WDR49: variants seen among roughly 807,000 people sequenced by gnomAD.
The protein encoded by WDR49 is cilia- and flagella-associated protein 337.
Under a neutral mutation model 119.5 loss-of-function variants are expected in WDR49, and 107 were observed. The ratio of observed to expected loss-of-function variants is 0.90; its 90% CI spans 0.77 to 1.05. The LOEUF (loss-of-function observed/expected upper bound fraction) is 1.05, where lower values mean the gene tolerates loss of function less well. Among genes scored for constraint, WDR49 ranks in the 50% least tolerant of loss-of-function variants. The pLI is 0.00. For synonymous variants in WDR49, 425 were observed against 418.8 expected, an observed-to-expected ratio of 1.01 and a Z score of -0.18; for missense variants, 1,240 against 1,220.5, an observed-to-expected ratio of 1.02 and a Z score of -0.24.
At chr3:167,616,975 C>T (rs1716626808) in intron 5 of WDR49, among the ~76,000 whole-genome samples, 1 of 152,066 alleles carries the variant, frequency 6.6e-6, no homozygotes, top group Non-Finnish European at 1.5e-5. Context: ...TCCTTCTAGG[C>T]TTGGAAAGGT....
chr3:167,542,983 T>C (rs537124032), intron 10 of WDR49, among the ~76,000 whole-genome samples: 1 of 152,074 alleles, frequency 6.6e-6, no homozygotes, highest in African/African-American at 2.4e-5. Context: ...ACCACAGAAA[T>C]ATGAAAGATC....
At chr3:167,565,274 G>T (rs1713525472) in intron 8 of WDR49, among the ~76,000 whole-genome samples, 1 of 150,870 alleles carries the variant, frequency 6.6e-6, no homozygotes, top group Non-Finnish European at 1.5e-5. Flanking sequence ...AATATGCAAG[G>T]CCCTAGATCT....
chr3:167,651,617 C>G (rs1174468767), intron 2 of WDR49, among the ~76,000 whole-genome samples: 1 of 151,772 alleles, frequency 6.6e-6, no homozygotes, highest in East Asian at 1.9e-4. Context: ...GAAGGTACAC[C>G]TGCAAAGCTC....
At position 167,585,822 on chromosome 3, in the gene WDR49, T is replaced by G. The variant is rs1714783860; in HGVS notation, c.1276-9671A>C. Among the ~76,000 whole-genome samples the G allele has an allele frequency of 1.3e-5, 2 of 151,980 alleles. 1 individual carries two copies. The highest frequency in any genetic ancestry group is 4.1e-4 in the South Asian group (2 of 4,830). ...AATATAAGAAGATACACGTCTAGGG[T>G]TGATGATAGTTATTCCTTGGGAAAG... On this transcript the variant is annotated intron_variant, in intron 7 of 18. Coordinates refer to ENST00000682715, the MANE Select transcript of WDR49 (RefSeq NM_001366157.1).
chr3:167,558,778 A>T (rs1425265234), intron 9 of WDR49, among the ~76,000 whole-genome samples: 1 of 152,158 alleles, frequency 6.6e-6, no homozygotes, highest in East Asian at 1.9e-4. Flanking sequence ...TAGATTCTAT[A>T]CCCAGTTACT....
rs1169771945 is a variant in WDR49, at chr3:167,612,237, G to T, written c.959-7769C>A. ...AACAATAGTCTCTTGAATGACCAGT[G>T]AGTCAGTGAAGAAATTAAGAAGGAA... On this transcript the variant is annotated intron_variant, in intron 5 of 18. Coordinates refer to ENST00000682715, the MANE Select transcript of WDR49 (RefSeq NM_001366157.1). 2.6e-5 allele frequency among the ~76,000 whole-genome samples: 4 copies of T among 152,082 alleles called. No homozygotes were observed. The East Asian group carries it at 7.7e-4, about 29-fold the overall frequency.
chr3:167,526,894 C>T, intron 15 of WDR49, among the ~76,000 whole-genome samples: 2 of 104,766 alleles, frequency 1.9e-5, no homozygotes, highest in East Asian at 5.8e-4. Context: ...ATCAGCTGGC[C>T]AAACAGATAT....
intron 18 of WDR49, among the ~76,000 whole-genome samples, chr3:167,493,184 T>C (rs1751219603): frequency 6.6e-6 from 1 of 152,198 alleles, no homozygotes; most frequent in South Asian, 2.1e-4. Context: ...TCTTATAGCA[T>C]GACTTCTCCA....
intron 8 of WDR49, among the ~76,000 whole-genome samples, chr3:167,566,550 A>G (rs535910394): frequency 6.6e-6 from 1 of 152,306 alleles, no homozygotes; most frequent in South Asian, 2.1e-4. Context: ...GTTATTAAAT[A>G]TTACATATCT....
At chr3:167,656,269 T>A (rs551791423), upstream of WDR49, among the ~76,000 whole-genome samples, 1 of 152,366 alleles carries the variant, frequency 6.6e-6, no homozygotes, top group East Asian at 1.9e-4. Flanking sequence ...TCCCCTAAGT[T>A]ATCTTACATG....
chr3:167,613,880 A>T (rs1716467307), intron 5 of WDR49, among the ~76,000 whole-genome samples: 1 of 151,180 alleles, frequency 6.6e-6, no homozygotes, highest in Admixed American at 6.6e-5. Flanking sequence ...AGGAGACAGA[A>T]GTTGCAGTGA....
chr3:167,554,720 T>C lies in WDR49; in HGVS notation c.1753A>G (p.Ile585Val). Residue 585 changes from isoleucine (I) to valine (V), a missense_variant, in exon 10 of 19, where the codon ATT becomes GTT. By Grantham distance (29) the Ile-to-Val change is conservative. Coordinates refer to ENST00000682715, the MANE Select transcript of WDR49 (RefSeq NM_001366157.1). ...GTAACCAGTATTTTCTTCTTAAGAA[T>C]GAGGATTTGTGAAATATCCACAGCT... is the stretch of plus-strand genomic sequence containing the variant. ...DGAVDISQIL[I>V]LKKKILVTGW... is the part of the protein sequence containing the mutation. The C allele has an allele frequency of 6.2e-7, 1 of 1,613,630 alleles. No homozygotes were observed. The highest frequency in any genetic ancestry group is 8.5e-7 in the Non-Finnish European group (1 of 1,179,756).
intron 15 of WDR49, among the ~76,000 whole-genome samples, chr3:167,523,065 C>A (rs188337410): frequency 1.3e-4 from 20 of 152,248 alleles, no homozygotes; most frequent in African/African-American, 4.6e-4. Flanking sequence ...TATCAATACA[C>A]TTCATGCACA....
chr3:167,646,929 A>AGCC (rs1718155926), intron 2 of WDR49, among the ~76,000 whole-genome samples: 1 of 152,098 alleles, frequency 6.6e-6, no homozygotes, highest in Non-Finnish European at 1.5e-5. Context: ...TATGAGGTAG[A>AGCC]GCCTTGGGAA....
chr3:167,503,472 T>A (rs2108212114), intron 17 of WDR49, among the ~76,000 whole-genome samples: 1 of 152,258 alleles, frequency 6.6e-6, no homozygotes, highest in South Asian at 2.1e-4. Context: ...TTCCAAGGAA[T>A]GGGCCATGCG....
At chr3:167,563,837 C>T (rs192992948) in intron 8 of WDR49, among the ~76,000 whole-genome samples, 1 of 152,274 alleles carries the variant, frequency 6.6e-6, no homozygotes, top group East Asian at 1.9e-4. Context: ...CTATAGAACA[C>T]TAGAACTTAT....
chr3:167,605,644 A>AAAAAAAAAAACC (rs1482812054), intron 5 of WDR49, among the ~76,000 whole-genome samples: 1 of 152,214 alleles, frequency 6.6e-6, no homozygotes, highest in African/African-American at 2.4e-5. Flanking sequence ...AAAAGAAATC[A>AAAAAAAAAAACC]GTGTGACTTT....
At chr3:167,541,773 A>C (rs1232351050) in intron 10 of WDR49, among the ~76,000 whole-genome samples, 1 of 152,142 alleles carries the variant, frequency 6.6e-6, no homozygotes, top group Non-Finnish European at 1.5e-5. Context: ...ATGGATAAAA[A>C]TCCACCAGTC....
At chr3:167,540,006 C>T (rs527460585) in intron 10 of WDR49, among the ~76,000 whole-genome samples, 1 of 152,290 alleles carries the variant, frequency 6.6e-6, no homozygotes, top group African/African-American at 2.4e-5. Context: ...AATGGAGCAA[C>T]AGGTTGCTGC....
Sources: allele counts gnomAD v4.1 joint callset (sites outside exome capture counted in the v4.1 genomes callset), GRCh38; gene constraint gnomAD v4.1.1; transcripts MANE v1.5; gene names NCBI Gene and HGNC (gene_info 2026-07-23, HGNC 2026-07-21).